The following SPTBN4 variants were observed in gnomAD, a reference collection of about 807,000 sequenced individuals.
The protein encoded by SPTBN4 is spectrin beta chain, non-erythrocytic 4.
In SPTBN4, 96 loss-of-function variants were observed where a neutral mutation model predicts 277.8. The ratio of observed to expected loss-of-function variants is 0.35; its 90% confidence interval spans 0.29 to 0.41. The LOEUF is 0.41. Among genes scored for constraint, SPTBN4 ranks in the 10% least tolerant of loss-of-function variants. SPTBN4 has a pLI of 1.00. For synonymous variants in SPTBN4, 1,481 were observed against 1,580.3 expected (o/e 0.94, Z 1.49); for missense variants, 3,006 against 3,595.7 (o/e 0.84, Z 4.19).
chr19:40,497,939 C>A (rs1399553456), intron 7 of SPTBN4, among the ~76,000 whole-genome samples: 1 of 151,512 alleles, frequency 6.6e-6, no homozygotes, highest in Non-Finnish European at 1.5e-5. Flanking sequence ...ACTAAACCAA[C>A]TCCCACTCCC....
rs985676467 is a variant in SPTBN4, at chr19:40,554,081, C to A, written c.4675-66C>A. On this transcript the variant is annotated intron_variant, in intron 22 of 35. Coordinates refer to ENST00000598249, the MANE Select transcript of SPTBN4 (RefSeq NM_020971.3). The surrounding 1 kb of genome is among the most constrained non-coding windows in gnomAD (Gnocchi z 5.7). ...GTGGGCCGTGCCAGTAGCAGAGGAG[C>A]GTGTGGTCTTGCAGGGCCTCGGAAC... 145 of 1,366,460 alleles carry A rather than the reference C, an allele frequency of 1.1e-4. No individual in the cohort carries two copies. The highest frequency in any genetic ancestry group is 1.3e-4 in the Non-Finnish European group (140 of 1,061,722). 84.6% of individuals were successfully genotyped at this position (1,366,460 alleles called of 1,614,324 possible).
chr19:40,523,380 T>A, intron 16 of SPTBN4, 57 bp from the exon 17 acceptor site: 1 of 1,514,142 alleles, frequency 6.6e-7, no homozygotes, highest in Non-Finnish European at 8.9e-7. Context: ...TGGCAGCCTC[T>A]CCCAGGTCCT....
chr19:40,512,680 G>A lies in SPTBN4; in HGVS notation c.1891G>A (p.Glu631Lys). ...GCACGGCTGCCTGGCGGAGCTGCAG[G>A]AGCAGGCAGCGCGGCGACGCGCGGA... ...HVHGCLAELQ[E>K]QAARRRAELE... Residue 631 changes from glutamate to lysine, a missense_variant, in exon 14 of 36, where the codon GAG (glutamate) becomes AAG (lysine). Transcript: ENST00000598249. 1 of 1,532,284 alleles carries A rather than the reference G, an allele frequency of 6.5e-7. No homozygotes were observed. The highest frequency in any genetic ancestry group is 8.7e-7 in the Non-Finnish European group (1 of 1,146,338). 94.9% of individuals were successfully genotyped at this position (1,532,284 alleles called of 1,614,324 possible). A position where few individuals can be genotyped will look rare whatever the true frequency, so the allele number is the denominator to read the frequency against.
intron 35 of SPTBN4, among the ~76,000 whole-genome samples, chr19:40,574,065 G>A (rs1278587699): frequency 6.6e-6 from 1 of 152,146 alleles, no homozygotes; most frequent in Non-Finnish European, 1.5e-5. Context: ...TTGCGCCACT[G>A]CACTCCAGCC....
intron 27 of SPTBN4, among the ~76,000 whole-genome samples, chr19:40,562,496 C>T (rs2081052602): frequency 7.1e-6 from 1 of 140,474 alleles, no homozygotes; most frequent in Non-Finnish European, 1.5e-5. Flanking sequence ...TACCACTGCA[C>T]TCCAGCCTGG....
At chr19:40,487,902 G>C (rs546540184) in intron 3 of SPTBN4, 54 bp downstream of exon 3, 1 of 1,510,500 alleles carries the variant, frequency 6.6e-7, no homozygotes, top group East Asian at 2.3e-5. Context: ...CTCAGGCTGG[G>C]GGTTGGGCTT....
intron 6 of SPTBN4, among the ~76,000 whole-genome samples, chr19:40,495,517 G>A (rs2080186392): frequency 6.6e-6 from 1 of 151,948 alleles, no homozygotes; most frequent in South Asian, 2.1e-4. Context: ...GTGTGGTGGT[G>A]CGCCCCTGTA....
At chr19:40,510,960 T>C (rs1045929193) in intron 13 of SPTBN4, among the ~76,000 whole-genome samples, 1 of 152,118 alleles carries the variant, frequency 6.6e-6, no homozygotes, top group Non-Finnish European at 1.5e-5. Context: ...GAGGCTGCAG[T>C]GAGCCATGAT....
intron 2 of SPTBN4, among the ~76,000 whole-genome samples, chr19:40,474,009 AG>A (rs1424172989): frequency 6.6e-6 from 1 of 151,420 alleles, no homozygotes; most frequent in Non-Finnish European, 1.5e-5. Context: ...AAAATTAGCC[AG>A]GCGTGGTGGC....
In SPTBN4 at chr19:40,502,546, G is replaced by C. The variant is rs373196871; in HGVS notation, c.1203+39G>C. ...TGCAGGGGAGAGGCGGGGTTGCACT[G>C]TGGAGTTGTATAGGTTGCACACTGC... is the stretch of plus-strand genomic sequence containing the variant. On this transcript the variant is annotated intron_variant, in intron 10 of 35. Transcript: ENST00000598249. The surrounding 1 kb of genome is among the most constrained non-coding windows in gnomAD (Gnocchi z 4.9). The C allele has an allele frequency of 1.3e-6, 2 of 1,570,218 alleles. No individual in the cohort carries two copies. The highest frequency in any genetic ancestry group is 1.7e-6 in the Non-Finnish European group (2 of 1,157,120).
At chr19:40,573,958 T>C (rs372339377) in intron 35 of SPTBN4, among the ~76,000 whole-genome samples, 2 of 150,624 alleles carry the variant, frequency 1.3e-5, no homozygotes, top group South Asian at 2.1e-4. Flanking sequence ...AAAAATTAGC[T>C]GGGCATGGTG....
intron 4 of SPTBN4, among the ~76,000 whole-genome samples, chr19:40,492,341 G>T (rs1652503494): frequency 6.6e-6 from 1 of 152,106 alleles, no homozygotes; most frequent in African/African-American, 2.4e-5. Flanking sequence ...AGTTTGAGAT[G>T]GGTCCAGTGG....
At chr19:40,544,671 A>G (rs2080840206) in intron 20 of SPTBN4, among the ~76,000 whole-genome samples, 1 of 147,382 alleles carries the variant, frequency 6.8e-6, no homozygotes, top group South Asian at 2.1e-4. Flanking sequence ...CAGGTCTCAA[A>G]CTCCTGACTT....
rs1430288994 is a variant in SPTBN4 at position 40,572,190 on chromosome 19, C to T, written c.7491C>T (p.Leu2497=). 1 of 1,595,622 alleles carries T rather than the reference C, an allele frequency of 6.3e-7. No individual in the cohort carries two copies. The highest frequency in any genetic ancestry group is 8.6e-7 in the Non-Finnish European group (1 of 1,168,686). Residue 2497 remains leucine, a splice_region_variant and synonymous_variant, in exon 34 of 36, where the codon CTC becomes CTT. Coordinates refer to ENST00000598249, the MANE Select transcript of SPTBN4 (RefSeq NM_020971.3). ...AGAAAAAGAAGCATGTCTTCAAGCT[C>T]CAGTGAGCCCCCCAATGGGCAGGAG... is the stretch of plus-strand genomic sequence containing the variant. ...DYKKKKHVFK[L]QTQDGSEFLL...
chr19:40,472,929 A>T, intron 2 of SPTBN4, 139 bp downstream of exon 2: 4 of 876,798 alleles, frequency 4.6e-6, no homozygotes, highest in Non-Finnish European at 6.8e-6. Context: ...AATAGTCTAT[A>T]TCCATAATGT....
In SPTBN4 at chr19:40,504,125, A is replaced by C; in HGVS notation, c.1658A>C (p.Glu553Ala). 1.1e-6 allele frequency: 1 copy of C among 889,754 alleles called. No homozygotes were observed. The highest frequency in any genetic ancestry group is 1.5e-6 in the Non-Finnish European group (1 of 652,180). 55.1% of individuals were successfully genotyped at this position (889,754 alleles called of 1,614,324 possible). The change falls in exon 12 of 36, where the codon GAG (glutamate) becomes GCG (alanine). Residue 553 changes from glutamate to alanine, a missense_variant. Physicochemically the swap from Glu to Ala is moderately radical, Grantham distance 107. Coordinates refer to ENST00000598249, the MANE Select transcript of SPTBN4 (RefSeq NM_020971.3). ...GTGTACATGGTGGACTGGATGGAGG[A>C]GATGCAGGTGCCGGCGGGGGGGCGG... ...EMVYMVDWME[E>A]MQAQLLSREC...
Position 40,557,260 on chromosome 19 carries a change from G to T in SPTBN4, c.5527G>T (p.Ala1843Ser). 2 of 1,613,674 alleles carry T rather than the reference G, an allele frequency of 1.2e-6. No individual in the cohort carries two copies. Among genetic ancestry groups the T allele is most frequent in the African/African-American group, 1.3e-5 (1 of 75,054 alleles). ...GGAGCTTCATAAGTTCTTCAGTGAC[G>T]CCCGAGAGCTTCAGGGACAGATTGA... ...SRELHKFFSDARELQGQIEEK... is the reference protein window; with the variant it reads ...SRELHKFFSDSRELQGQIEEK... The change falls in exon 26 of 36, where the codon GCC becomes TCC. Residue 1843 changes from alanine to serine, a missense_variant. Coordinates refer to ENST00000598249, the MANE Select transcript of SPTBN4 (RefSeq NM_020971.3).
At chr19:40,534,502 A>G (rs1024262324) in intron 20 of SPTBN4, 159 bp downstream of exon 20, 6 of 977,506 alleles carry the variant, frequency 6.1e-6, no homozygotes, top group Non-Finnish European at 8.9e-6. Flanking sequence ...CAATCCAGCT[A>G]GTAATAACTG....
In SPTBN4 at chr19:40,519,511, A is replaced by G. The variant is rs2080498476; in HGVS notation, c.3014A>G (p.Glu1005Gly). 6.2e-7 allele frequency: 1 copy of G among 1,606,338 alleles called. No individual in the cohort carries two copies. The highest frequency in any genetic ancestry group is 8.5e-7 in the Non-Finnish European group (1 of 1,177,624). ...GCCGAGGTGCGCGCCCAGGTGCGTG[A>G]GAAGCGGAGAGCTGTGGAGAGCGCG... ...EVAEVRAQVR[E>G]KRRAVESAPR... The change falls in exon 16 of 36, where the codon GAG becomes GGG. Residue 1005 changes from glutamate to glycine, a missense_variant. This residue lies in a region of SPTBN4 where 1,759 missense variants were observed against 2,061.5 expected (regional missense o/e 0.85). Coordinates refer to ENST00000598249, the MANE Select transcript of SPTBN4 (RefSeq NM_020971.3). The surrounding 1 kb of genome is among the most constrained non-coding windows in gnomAD (Gnocchi z 5.7).
Sources: allele counts gnomAD v4.1 joint callset (sites outside exome capture counted in the v4.1 genomes callset), GRCh38; gene constraint gnomAD v4.1.1; regional missense constraint gnomAD v4.1.1; non-coding constraint Gnocchi (gnomAD v3.1); transcripts MANE v1.5; gene names NCBI Gene and HGNC (gene_info 2026-07-23, HGNC 2026-07-21).